Variants in PCDHGA7 observed in about 807,000 individuals in gnomAD.
The protein encoded by PCDHGA7 is protocadherin gamma-A7.
In PCDHGA7, 44 loss-of-function variants were observed where a neutral mutation model predicts 58.3. The ratio of observed to expected loss-of-function variants is 0.75; its 90% CI spans 0.59 to 0.97. The LOEUF is 0.97. PCDHGA7 is among the 50% of genes least tolerant of loss of function. The pLI, the probability that PCDHGA7 is intolerant of heterozygous loss-of-function variation, is 0.00. For synonymous variants in PCDHGA7, 516 were observed against 504.2 expected (o/e 1.02, Z -0.31); for missense variants, 1,266 against 1,188.7 (o/e 1.06, Z -0.96).
intron 1 of PCDHGA7, chr5:141,478,684 T>C: frequency 6.4e-7 from 1 of 1,551,340 alleles, no homozygotes; most frequent in Non-Finnish European, 8.7e-7. Flanking sequence ...TGGCCCTTCC[T>C]AGATCAAAGT....
At chr5:141,456,336 G>A (rs2098850873) in intron 1 of PCDHGA7, among the ~76,000 whole-genome samples, 1 of 152,242 alleles carries the variant, frequency 6.6e-6, no homozygotes, top group Non-Finnish European at 1.5e-5. Context: ...TGATCTAAGG[G>A]TCCTCGGAAG....
chr5:141,420,422 A>C, intron 1 of PCDHGA7: 1 of 1,196,438 alleles, frequency 8.4e-7, no homozygotes, highest in Non-Finnish European at 1.1e-6. Context: ...TATTAAAACA[A>C]AAGTTTAAAT....
At chr5:141,386,302 C>T (rs1192647200) in intron 1 of PCDHGA7, among the ~76,000 whole-genome samples, 1 of 152,174 alleles carries the variant, frequency 6.6e-6, no homozygotes, top group Non-Finnish European at 1.5e-5. Flanking sequence ...TTTAGTAAAG[C>T]TCAGTATATC....
intron 1 of PCDHGA7, among the ~76,000 whole-genome samples, chr5:141,483,361 A>C (rs752805137): frequency 4.6e-5 from 7 of 152,102 alleles, no homozygotes; most frequent in Non-Finnish European, 7.4e-5. Flanking sequence ...TTTGAAAGCT[A>C]TTGCAATATT....
chr5:141,441,737 C>T lies in PCDHGA7; in HGVS notation c.2425-53070C>T, dbSNP rs2098268916. 5 of 365,122 alleles carry T rather than the reference C, an allele frequency of 1.4e-5. 1 individual carries two copies. The highest frequency in any genetic ancestry group is 1.1e-4 in the South Asian group (5 of 46,286). 22.6% of individuals were successfully genotyped at this position (365,122 alleles called of 1,614,324 possible). ...TGCAGGCCCGCGACCAGGACTAGCT[C>T]GCGCTCGGCGTCAACGTGAGCCTGC... On this transcript the variant is annotated intron_variant, in intron 1 of 3. Transcript: ENST00000518325.
At chr5:141,497,077 G>A (rs191605427) in intron 2 of PCDHGA7, among the ~76,000 whole-genome samples, 4 of 151,990 alleles carry the variant, frequency 2.6e-5, no homozygotes, top group East Asian at 3.9e-4. Flanking sequence ...TAATCCCAGC[G>A]ACTTAGGAGG....
chr5:141,404,952 G>A (rs2094589054), intron 1 of PCDHGA7: 3 of 1,614,030 alleles, frequency 1.9e-6, no homozygotes, highest in African/African-American at 1.3e-5. Flanking sequence ...ATAGCTGACA[G>A]CATCCCAGAC....
intron 2 of PCDHGA7, 141 bp downstream of exon 2, chr5:141,495,006 G>C (rs1030195663): frequency 2.0e-6 from 3 of 1,521,446 alleles, no homozygotes; most frequent in Non-Finnish European, 8.8e-7. Flanking sequence ...CTTGGTGTGC[G>C]GGGGGCTGGC....
intron 1 of PCDHGA7, chr5:141,413,663 A>T: frequency 6.2e-7 from 1 of 1,613,844 alleles, no homozygotes; most frequent in Non-Finnish European, 8.5e-7. Flanking sequence ...GAAGCTATTG[A>T]TCCGGATGTG....
rs775378618 is a variant in PCDHGA7, at chr5:141,384,047, C to T, written c.1148C>T (p.Thr383Ile). The T allele has an allele frequency of 4.3e-6, 7 of 1,612,190 alleles. No individual in the cohort carries two copies. The highest frequency in any genetic ancestry group is 1.3e-5 in the African/African-American group (1 of 75,004). Residue 383 changes from threonine (T) to isoleucine (I), a missense_variant, in exon 1 of 4, where the codon ACC becomes ATC. By Grantham distance (89) the Thr-to-Ile change is moderately conservative (BLOSUM62 -1). Coordinates refer to ENST00000518325, the MANE Select transcript of PCDHGA7 (RefSeq NM_018920.4). ...GATTCTGGAAAGAATGGTGAGGTGA[C>T]CTGCACCATTCCAGAAAACCTACCT... ...DRDSGKNGEV[T>I]CTIPENLPFK...
At chr5:141,399,497 T>C in intron 1 of PCDHGA7, 1 of 1,614,030 alleles carries the variant, frequency 6.2e-7, no homozygotes, top group Non-Finnish European at 8.5e-7. Flanking sequence ...TTAGTCAGTG[T>C]ACCCGAAAAC....
chr5:141,401,503 C>A (rs755118621), intron 1 of PCDHGA7, among the ~76,000 whole-genome samples: 1 of 151,946 alleles, frequency 6.6e-6, no homozygotes, highest in Non-Finnish European at 1.5e-5. Flanking sequence ...AATCCTTTTC[C>A]ACCTCTATAT....
rs752708726 is a variant in PCDHGA7 at position 141,413,991 on chromosome 5, C to T, written c.2424+28668C>T. 1.9e-6 allele frequency: 3 copies of T among 1,613,494 alleles called. No homozygotes were observed. The East Asian group carries it at 6.7e-5, about 36-fold the overall frequency. ...AGCTGCTGACAGTCACAGCCACCGA[C>T]AGGGACGAAGGTGCCAATGGAGAAG... On this transcript the variant is annotated intron_variant, in intron 1 of 3. Coordinates refer to ENST00000518325, the MANE Select transcript of PCDHGA7 (RefSeq NM_018920.4).
At chr5:141,415,258 C>G (rs1228702476) in intron 1 of PCDHGA7, 1 of 1,614,214 alleles carries the variant, frequency 6.2e-7, no homozygotes, top group Non-Finnish European at 8.5e-7. Context: ...AGACCTCACT[C>G]TGTACCTGGT....
intron 1 of PCDHGA7, chr5:141,428,153 CT>C (rs2097116745): frequency 6.3e-7 from 1 of 1,581,370 alleles, no homozygotes; most frequent in Admixed American, 1.7e-5. Flanking sequence ...ACACGGGAAC[CT>C]GCTGGTTGCT....
At chr5:141,498,264 C>A (rs1272117057) in intron 2 of PCDHGA7, among the ~76,000 whole-genome samples, 2 of 152,016 alleles carry the variant, frequency 1.3e-5, no homozygotes, top group Admixed American at 1.3e-4. Context: ...GTGTTGAGTT[C>A]TTCAGTAAAC....
intron 1 of PCDHGA7, among the ~76,000 whole-genome samples, chr5:141,454,980 T>A (rs1049733405): frequency 9.3e-5 from 14 of 151,310 alleles, no homozygotes; most frequent in African/African-American, 2.4e-4. Context: ...GCTAATTTTT[T>A]AAAAAATATT....
In PCDHGA7 at chr5:141,485,872, G is replaced by A; in HGVS notation, c.2425-8935G>A. ...CCGCAGAGCTCCGGGTATCCGTGCT[G>A]GACGTAAACGACAACGCCCCAGCCT... On this transcript the variant is annotated intron_variant, in intron 1 of 3. Transcript: ENST00000518325. The surrounding 1 kb of genome is among the most constrained non-coding windows in gnomAD (Gnocchi z 5.7). 1 of 1,614,170 alleles carries A rather than the reference G, an allele frequency of 6.2e-7. No homozygotes were observed. The highest frequency in any genetic ancestry group is 2.2e-5 in the East Asian group (1 of 44,876).
At chr5:141,450,679 G>A (rs2098690217) in intron 1 of PCDHGA7, among the ~76,000 whole-genome samples, 2 of 151,914 alleles carry the variant, frequency 1.3e-5, no homozygotes, top group Non-Finnish European at 2.9e-5. Context: ...TAGAAACGGG[G>A]TTTTGCCATG....
Sources: allele counts gnomAD v4.1 joint callset (sites outside exome capture counted in the v4.1 genomes callset), GRCh38; gene constraint gnomAD v4.1.1; non-coding constraint Gnocchi (gnomAD v3.1); transcripts MANE v1.5; gene names NCBI Gene and HGNC (gene_info 2026-07-23, HGNC 2026-07-21).